RYR2: variants seen among roughly 807,000 people sequenced by gnomAD.
The protein encoded by RYR2 is cardiac muscle ryanodine receptor-calcium release channel.
In RYR2, 227 loss-of-function variants were observed where a neutral mutation model predicts 601.1. That is an observed-to-expected ratio of 0.38 (90% confidence interval 0.34 to 0.42). RYR2 has a LOEUF of 0.42. Ranked by LOEUF, RYR2 falls within the 10% of genes least tolerant of loss-of-function variation. RYR2 has a pLI of 1.00. For missense variants in RYR2, 4,646 were observed against 6,156.5 expected (o/e 0.75, Z 8.21); for synonymous variants, 2,223 against 2,175.1 (o/e 1.02, Z -0.61).
In RYR2 at chr1:237,119,589, T is replaced by C. The variant is rs1050547988; in HGVS notation, c.48+77020T>C. ...TTCCTTGGGTCCATCTCTCCTACGA[T>C]GGCCAGTTTGTTTGGAGGATCACAT... is the stretch of plus-strand genomic sequence containing the variant. On this transcript the variant is annotated intron_variant, in intron 1 of 104. Coordinates refer to ENST00000366574, the MANE Select transcript of RYR2 (RefSeq NM_001035.3). 3.3e-5 allele frequency among the ~76,000 whole-genome samples: 5 copies of C among 152,146 alleles called. No individual in the cohort carries two copies. The South Asian group carries it at 8.3e-4, about 25-fold the overall frequency.
chr1:237,650,090 A>G lies in RYR2; in HGVS notation c.7726A>G (p.Ile2576Val), dbSNP rs1423613568. ...TTCCATAGAAGTTTGTTTACTCTCT[A>G]TTTGTGGGTGAGTGGATAACAAATT... ...RDSIEVCLLS[I>V]CGQLRPSMMQ... Residue 2576 changes from isoleucine to valine, a missense_variant, in exon 50 of 105, where the codon ATT (isoleucine) becomes GTT (valine). Physicochemically the swap from Ile to Val is conservative, Grantham distance 29. Around this residue, in one of 17 missense-constraint regions of RYR2, gnomAD observed 1,497 missense variants for 1,842.6 expected, o/e 0.81. Coordinates refer to ENST00000366574, the MANE Select transcript of RYR2 (RefSeq NM_001035.3). 1.2e-6 allele frequency: 2 copies of G among 1,613,380 alleles called. No individual in the cohort carries two copies. Among genetic ancestry groups the G allele is most frequent in the Admixed American group, 1.7e-5 (1 of 60,004 alleles).
rs959548701 is a variant in RYR2 at position 237,549,632 on chromosome 1, T to C, written c.3067-912T>C. Among the ~76,000 whole-genome samples, 11 of 138,668 alleles carry C rather than the reference T, an allele frequency of 7.9e-5. No homozygotes were observed. In the South Asian group the frequency reaches 2.1e-3, roughly 27 times the overall value. The allele number at this position is 138,668 out of a possible 152,430, so 91.0% of individuals were successfully genotyped here. ...CCTGTGTGATTCCATAGCTTTCTTT[T>C]TTTTTTTTTTTTTTTTTTTTTTTTA... On this transcript the variant is annotated intron_variant, in intron 26 of 104. Coordinates refer to ENST00000366574, the MANE Select transcript of RYR2 (RefSeq NM_001035.3).
At chr1:237,087,731 G>T (rs1666508713) in intron 1 of RYR2, among the ~76,000 whole-genome samples, 1 of 152,156 alleles carries the variant, frequency 6.6e-6, no homozygotes, top group South Asian at 2.1e-4. Flanking sequence ...TGTCTGGGTG[G>T]CCAGCCTGGG....
At chr1:237,787,890 A>G in intron 91 of RYR2, 98 bp from the exon 92 acceptor site, 1 of 1,130,756 alleles carries the variant, frequency 8.8e-7, no homozygotes, top group Non-Finnish European at 1.3e-6. Flanking sequence ...AAGTAATATG[A>G]TGGCCTAAAA....
At chr1:237,244,347 G>A (rs1686546891) in intron 1 of RYR2, among the ~76,000 whole-genome samples, 1 of 152,118 alleles carries the variant, frequency 6.6e-6, no homozygotes, top group African/African-American at 2.4e-5. Context: ...TGAGGGTAGG[G>A]GCATCCTCGG....
chr1:237,784,006 C>T lies in RYR2; in HGVS notation c.12294C>T (p.Val4098=), dbSNP rs574742279. Residue 4098 remains valine, a synonymous_variant, in exon 90 of 105, where the codon GTC becomes GTT. Coordinates refer to ENST00000366574, the MANE Select transcript of RYR2 (RefSeq NM_001035.3). This position sits in a 1 kb window ranked among gnomAD's most constrained non-coding sequence, Gnocchi z 7.1. ...CTGCGAAGGACATCGGCTTCAACGT[C>T]GCCGTCCTTCTGACAAACCTCTCTG... ...HEPAKDIGFN[V]AVLLTNLSEH... is the part of the protein sequence containing the mutation. The T allele has an allele frequency of 2.5e-6, 4 of 1,613,892 alleles. No homozygotes were observed. The highest frequency in any genetic ancestry group is 1.6e-4 in the Middle Eastern group (1 of 6,062).
chr1:237,441,466 G>A lies in RYR2; in HGVS notation c.1153G>A (p.Gly385Arg). 3 of 1,581,678 alleles carry A rather than the reference G, an allele frequency of 1.9e-6. No homozygotes were observed. The highest frequency in any genetic ancestry group is 2.6e-6 in the Non-Finnish European group (3 of 1,161,692). The change falls in exon 13 of 105, where the codon GGA (glycine) becomes AGA (arginine). Residue 385 changes from glycine to arginine, a missense_variant. Around this residue, in one of 17 missense-constraint regions of RYR2, gnomAD observed 1,807 missense variants for 2,088.1 expected, o/e 0.87. Coordinates refer to ENST00000366574, the MANE Select transcript of RYR2 (RefSeq NM_001035.3). ...TGTGGACGTGAAATCCGTGAGAATG[G>A]GATCTATACAACGTAAGGTAAGGTG... ...QSVDVKSVRMGSIQRKAIMHH... is the reference protein window; with the variant it reads ...QSVDVKSVRMRSIQRKAIMHH...
At chr1:237,407,017 T>C (rs1703968993) in intron 10 of RYR2, among the ~76,000 whole-genome samples, 1 of 152,194 alleles carries the variant, frequency 6.6e-6, no homozygotes, top group African/African-American at 2.4e-5. Flanking sequence ...CCTGAACTCC[T>C]GAAAAAATAT....
chr1:237,330,116 G>C (rs555069944), intron 2 of RYR2, among the ~76,000 whole-genome samples: 21 of 152,224 alleles, frequency 1.4e-4, no homozygotes, highest in Admixed American at 3.3e-4. Flanking sequence ...AAACTGAATG[G>C]TAAGTTAGAA....
chr1:237,255,306 CT>C (rs1346645730), intron 1 of RYR2, among the ~76,000 whole-genome samples: 2 of 152,144 alleles, frequency 1.3e-5, no homozygotes, highest in African/African-American at 4.8e-5. Context: ...CTTTTTAGAT[CT>C]GATATTTTTA....
In RYR2 at chr1:237,344,803, T is replaced by TTTTA. The variant is rs534125417; in HGVS notation, c.274-11146_274-11143dup. ...TACTAGTAGCTTTATAGTAAGTCTTTTTTATTTATTTATTTATTTTTTGAG... is the reference window on the plus strand; with the variant it reads ...TACTAGTAGCTTTATAGTAAGTCTTTTTTATTTATTTATTTATTTATTTTTTGAG... On this transcript the variant is annotated intron_variant, in intron 3 of 104. Coordinates refer to ENST00000366574, the MANE Select transcript of RYR2 (RefSeq NM_001035.3). Among the ~76,000 whole-genome samples, 22 of 152,226 alleles carry TTTTA rather than the reference T, an allele frequency of 1.4e-4. No homozygotes were observed. In the South Asian group the frequency reaches 4.2e-3, roughly 29 times the overall value.
chr1:237,397,203 A>ATGACCTGACAGAGGCATGCCTGACAGAG (rs1057178745), intron 10 of RYR2, among the ~76,000 whole-genome samples: 1 of 151,856 alleles, frequency 6.6e-6, no homozygotes, highest in African/African-American at 2.4e-5. Flanking sequence ...ATGCCACTGC[A>ATGACCTGACAGAGGCATGCCTGACAGAG]CTCTGGCCTG....
intron 2 of RYR2, among the ~76,000 whole-genome samples, chr1:237,284,118 C>T (rs778038946): frequency 2.0e-5 from 3 of 152,190 alleles, no homozygotes; most frequent in Non-Finnish European, 4.4e-5. Flanking sequence ...CGTGGTGGCT[C>T]ACGCCTGTAA....
rs1427136306 is a variant in RYR2 at position 237,818,822 on chromosome 1, T to C, written c.14434-214T>C. ...GTGAGAGAGAAAGTGCTAGGCGGAGTATGCAGTATACACTTTTGTTTAAAA... is the reference window on the plus strand; with the variant it reads ...GTGAGAGAGAAAGTGCTAGGCGGAGCATGCAGTATACACTTTTGTTTAAAA... On this transcript the variant is annotated intron_variant, in intron 100 of 104. Coordinates refer to ENST00000366574, the MANE Select transcript of RYR2 (RefSeq NM_001035.3). Among the ~76,000 whole-genome samples the C allele has an allele frequency of 2.0e-5, 3 of 150,290 alleles. No individual in the cohort carries two copies. In the East Asian group the frequency reaches 5.8e-4, roughly 29 times the overall value.
chr1:237,274,792 T>C (rs1690092845), intron 2 of RYR2, among the ~76,000 whole-genome samples: 1 of 152,184 alleles, frequency 6.6e-6, no homozygotes, highest in African/African-American at 2.4e-5. Flanking sequence ...ACATTTTTAC[T>C]GTACTTTTTC....
intron 1 of RYR2, among the ~76,000 whole-genome samples, chr1:237,052,707 T>C (rs988564962): frequency 6.6e-6 from 1 of 152,172 alleles, no homozygotes; most frequent in Non-Finnish European, 1.5e-5. Flanking sequence ...ACAGGGTTTT[T>C]TTTTTCCTCT....
At chr1:237,545,605 G>A (rs893014869) in intron 25 of RYR2, among the ~76,000 whole-genome samples, 25 of 152,164 alleles carry the variant, frequency 1.6e-4, no homozygotes, top group African/African-American at 5.5e-4. Context: ...AAGTAGTTGT[G>A]AGGAAGCAAG....
Position 237,696,750 on chromosome 1 carries a change from TAG to T in RYR2, c.9068-2212_9068-2211del, listed in dbSNP as rs200278849. Among the ~76,000 whole-genome samples the T allele has an allele frequency of 4.4e-3, 675 of 151,824 alleles. 5 individuals carry two copies. Among genetic ancestry groups the T allele is most frequent in the African/African-American group, 0.016 (643 of 41,400 alleles). ...ACCTAATTACTCAGGCAGAAAACCT[TAG>T]AGTTATCCTTGACTGCTTTCCCGCT... is the stretch of plus-strand genomic sequence containing the variant. On this transcript the variant is annotated intron_variant, in intron 63 of 104. Coordinates refer to ENST00000366574, the MANE Select transcript of RYR2 (RefSeq NM_001035.3).
intron 76 of RYR2, 136 bp downstream of exon 76, chr1:237,727,335 A>C (rs1690285400): frequency 7.0e-6 from 3 of 429,010 alleles, no homozygotes; most frequent in Admixed American, 4.2e-5. Context: ...CTTCTACATA[A>C]AACTTGACTA....
Sources: gnomAD v4.1 joint callset for allele counts (sites outside exome capture counted in the v4.1 genomes callset) on GRCh38, gnomAD v4.1.1 for gene constraint, gnomAD v4.1.1 regional missense constraint, Gnocchi (gnomAD v3.1) non-coding constraint, MANE v1.5 for transcripts, NCBI Gene and HGNC (gene_info 2026-07-23, HGNC 2026-07-21) for gene names.